ABHD2: variants seen among roughly 807,000 people sequenced by gnomAD.
ABHD2 encodes the protein abhydrolase domain containing 2, acylglycerol lipase.
Under a neutral mutation model 48.1 loss-of-function variants are expected in ABHD2, and 20 were observed. The ratio of observed to expected loss-of-function variants is 0.42; its 90% CI spans 0.29 to 0.60. ABHD2 has a LOEUF of 0.60. Among genes scored for constraint, ABHD2 ranks in the 20% least tolerant of loss-of-function variants. The pLI is 0.24. For missense variants in ABHD2, 405 were observed against 550.9 expected, an observed-to-expected ratio of 0.74 and a Z score of 2.65; for synonymous variants, 209 against 214.2, an observed-to-expected ratio of 0.98 and a Z score of 0.21.
In ABHD2 at chr15:89,185,719, A is replaced by G. The variant is rs1039219923; in HGVS notation, c.815+203A>G. Among the ~76,000 whole-genome samples, 7 of 152,216 alleles carry G rather than the reference A, an allele frequency of 4.6e-5. No individual in the cohort carries two copies. The highest frequency in any genetic ancestry group is 7.3e-5 in the Non-Finnish European group (5 of 68,038). On this transcript the variant is annotated intron_variant, in intron 7 of 10. Transcript: ENST00000352732. The surrounding 1 kb of genome is among the most constrained non-coding windows in gnomAD (Gnocchi z 5.9). The stretch of plus-strand genomic sequence containing the variant: ...CGCGGTGGCTCACGCCTGTAACCCC[A>G]GCACTTTGGGAAGCTGAGGCGGGCA...
intron 1 of ABHD2, among the ~76,000 whole-genome samples, chr15:89,098,018 G>C (rs2005559): frequency 0.019 from 2,922 of 152,062 alleles, 91 homozygotes; most frequent in African/African-American, 0.067. Context: ...AGCCTTCCCA[G>C]TAGTTAGGAC....
rs2050810627 is a variant in ABHD2 at position 89,164,638 on chromosome 15, AG to A, written c.538+9105del. Among the ~76,000 whole-genome samples the A allele has an allele frequency of 6.6e-6, 1 of 152,030 alleles. No individual in the cohort carries two copies. Among genetic ancestry groups the A allele is most frequent in the Non-Finnish European group, 1.5e-5 (1 of 67,994 alleles). On this transcript the variant is annotated intron_variant, in intron 5 of 10. Transcript: ENST00000352732. This position sits in a 1 kb window ranked among gnomAD's most constrained non-coding sequence, Gnocchi z 5.0. The stretch of plus-strand genomic sequence containing the variant: ...CCTCATCTCTACTAAAAATGAAAAA[AG>A]CCAGGTGTGATGATACACACCTGTA...
At chr15:89,086,235 C>A (rs1233819561), upstream of ABHD2, among the ~76,000 whole-genome samples, 1 of 152,130 alleles carries the variant, frequency 6.6e-6, no homozygotes, top group South Asian at 2.1e-4. Flanking sequence ...CCATGATGGC[C>A]AGGCTGGTCT....
intron 5 of ABHD2, among the ~76,000 whole-genome samples, chr15:89,156,585 A>G (rs112461724): frequency 5.8e-4 from 88 of 152,212 alleles, no homozygotes; most frequent in African/African-American, 2.0e-3. Flanking sequence ...TGTCTCTACT[A>G]AAAATACAAA....
At chr15:89,118,755 A>G (rs2050001924) in intron 3 of ABHD2, among the ~76,000 whole-genome samples, 1 of 152,226 alleles carries the variant, frequency 6.6e-6, no homozygotes, top group Admixed American at 6.5e-5. Flanking sequence ...GTTTGATTCC[A>G]TACTAATTGT....
At chr15:89,144,561 CATT>C (rs2050461556) in intron 3 of ABHD2, among the ~76,000 whole-genome samples, 2 of 152,188 alleles carry the variant, frequency 1.3e-5, no homozygotes, top group African/African-American at 4.8e-5. Flanking sequence ...ACTCTCAAAA[CATT>C]ATGCTAAGTG....
intron 5 of ABHD2, among the ~76,000 whole-genome samples, chr15:89,165,830 G>A (rs2050830524): frequency 6.6e-6 from 1 of 152,216 alleles, no homozygotes; most frequent in Non-Finnish European, 1.5e-5. Context: ...TGTTTGGAAT[G>A]TGAGTGTTTT....
intron 5 of ABHD2, among the ~76,000 whole-genome samples, chr15:89,163,737 T>C (rs2050796722): frequency 6.6e-6 from 1 of 152,258 alleles, no homozygotes; most frequent in African/African-American, 2.4e-5. Context: ...ATTACTGTTC[T>C]GATAGCTGTC....
intron 9 of ABHD2, among the ~76,000 whole-genome samples, chr15:89,192,905 C>T (rs189976539): frequency 9.9e-5 from 15 of 152,240 alleles, no homozygotes; most frequent in African/African-American, 1.9e-4. Flanking sequence ...CTTCATTTTC[C>T]GCTCCCATGA....
intron 4 of ABHD2, among the ~76,000 whole-genome samples, chr15:89,152,627 G>A (rs1403507639): frequency 2.0e-5 from 3 of 152,138 alleles, no homozygotes; most frequent in East Asian, 1.9e-4. Flanking sequence ...ATAGGCTGGC[G>A]TTTGTTGGAT....
chr15:89,052,900 A>G, the ABHD2 span, among the ~76,000 whole-genome samples: 2 of 151,462 alleles, frequency 1.3e-5, no homozygotes, highest in African/African-American at 4.9e-5. Context: ...AATTCTTTCC[A>G]CCTCAGGGTG....
chr15:89,101,593 T>A (rs1375605501), intron 1 of ABHD2, among the ~76,000 whole-genome samples: 1 of 152,226 alleles, frequency 6.6e-6, no homozygotes, highest in Non-Finnish European at 1.5e-5. Context: ...TTGTGTAGAA[T>A]TTAAACATGA....
Position 89,195,233 on chromosome 15 carries a change from G to T in ABHD2, c.1088G>T (p.Arg363Leu), listed in dbSNP as rs201203844. 1.2e-6 allele frequency: 2 copies of T among 1,613,392 alleles called. No individual in the cohort carries two copies. The highest frequency in any genetic ancestry group is 2.2e-5 in the East Asian group (1 of 44,868). The change falls in exon 11 of 11, where the codon CGA (arginine) becomes CTA (leucine). Residue 363 changes from arginine (R) to leucine (L), a missense_variant. Transcript: ENST00000352732. The surrounding 1 kb of genome is among the most constrained non-coding windows in gnomAD (Gnocchi z 5.1). Reference sequence around the variant, plus strand: ...AGCTGCGTTTCCCCTGCAGAGAAACGAGAGAACGTCATGTTTGTGCTGCCT... The same window carrying T: ...AGCTGCGTTTCCCCTGCAGAGAAACTAGAGAACGTCATGTTTGTGCTGCCT... ...LTIPKSLSEK[R>L]ENVMFVLPLH...
At chr15:89,096,856 C>G (rs2049621408) in intron 1 of ABHD2, among the ~76,000 whole-genome samples, 1 of 152,196 alleles carries the variant, frequency 6.6e-6, no homozygotes, top group African/African-American at 2.4e-5. Context: ...ACTTCCAAAA[C>G]TAATTTCTCT....
Position 89,193,337 on chromosome 15 carries a change from C to T in ABHD2, c.1081+18C>T. 6.3e-7 allele frequency: 1 copy of T among 1,598,280 alleles called. No individual in the cohort carries two copies. Among genetic ancestry groups the T allele is most frequent in the Non-Finnish European group, 8.6e-7 (1 of 1,165,452 alleles). On this transcript the variant is annotated intron_variant, in intron 10 of 10. Transcript: ENST00000352732. ...TCTTTCAGGTAAGTGTTTCTTCCTG[C>T]TGCCCTCTCAACAGCTCAGCAAGTT...
At position 89,185,310 on chromosome 15, in the gene ABHD2, C is replaced by A; in HGVS notation, c.723-114C>A. ...CTCTGTTTTAATGCAGAGGCCACAG[C>A]CTGAGAGCCGGCCCTCTCCACACAA... On this transcript the variant is annotated intron_variant, in intron 6 of 10. Coordinates refer to ENST00000352732, the MANE Select transcript of ABHD2 (RefSeq NM_152924.5). The surrounding 1 kb of genome is among the most constrained non-coding windows in gnomAD (Gnocchi z 5.9). 2 of 719,774 alleles carry A rather than the reference C, an allele frequency of 2.8e-6. No individual in the cohort carries two copies. Among genetic ancestry groups the A allele is most frequent in the Non-Finnish European group, 4.8e-6 (2 of 419,836 alleles). 44.6% of individuals were successfully genotyped at this position (719,774 alleles called of 1,614,324 possible).
chr15:89,189,478 A>G lies in ABHD2; in HGVS notation c.926+1175A>G, dbSNP rs142698571. Among the ~76,000 whole-genome samples the G allele has an allele frequency of 6.6e-6, 1 of 152,362 alleles. No homozygotes were observed. The highest frequency in any genetic ancestry group is 2.4e-5 in the African/African-American group (1 of 41,576). On this transcript the variant is annotated intron_variant, in intron 8 of 10. Transcript: ENST00000352732. The surrounding 1 kb of genome is among the most constrained non-coding windows in gnomAD (Gnocchi z 4.9). ...ACTGCACTGGAGCCCAGCCTGGGCA[A>G]CAGAGCAAGGCCCTGTCCCTAAAAT...
chr15:89,133,689 A>G (rs952442454), intron 3 of ABHD2, among the ~76,000 whole-genome samples: 3 of 151,848 alleles, frequency 2.0e-5, no homozygotes, highest in African/African-American at 4.8e-5. Context: ...CATTTTTCTG[A>G]TGGTCATTGG....
chr15:89,064,730 T>C, the ABHD2 span, among the ~76,000 whole-genome samples: 3 of 152,208 alleles, frequency 2.0e-5, no homozygotes, highest in East Asian at 3.8e-4. Flanking sequence ...GAACACTTGA[T>C]TATTTACAGT....
Sources: allele counts gnomAD v4.1 joint callset (sites outside exome capture counted in the v4.1 genomes callset), GRCh38; gene constraint gnomAD v4.1.1; non-coding constraint Gnocchi (gnomAD v3.1); transcripts MANE v1.5; gene names NCBI Gene and HGNC (gene_info 2026-07-23, HGNC 2026-07-21).